Variants in GALNTL6 observed in about 807,000 individuals in gnomAD.
GALNTL6 encodes the protein polypeptide N-acetylgalactosaminyltransferase like 6, also known as polypeptide N-acetylgalactosaminyltransferase-like 6.
GALNTL6 carries 46 observed loss-of-function variants against 73.7 expected under a neutral mutation model. That is an observed-to-expected ratio of 0.62 (90% confidence interval 0.49 to 0.80). The LOEUF (loss-of-function observed/expected upper bound fraction) is 0.80, where lower values mean the gene tolerates loss of function less well. Among genes scored for constraint, GALNTL6 ranks in the 30% least tolerant of loss-of-function variants. The probability of loss-of-function intolerance (pLI) is 0.00; values close to 1 mark genes in which losing one functional copy is unlikely to be tolerated. For missense variants in GALNTL6, 604 were observed against 755.0 expected, an observed-to-expected ratio of 0.80 and a Z score of 2.34; for synonymous variants, 259 against 263.7, an observed-to-expected ratio of 0.98 and a Z score of 0.17.
intron 2 of GALNTL6, among the ~76,000 whole-genome samples, chr4:172,010,615 CTG>C (rs1740978129): frequency 6.6e-6 from 1 of 151,802 alleles, no homozygotes; most frequent in East Asian, 1.9e-4. Flanking sequence ...TTTAAAGCTG[CTG>C]TGTCTTTCAA....
chr4:172,459,620 C>A (rs2111439817), intron 5 of GALNTL6, among the ~76,000 whole-genome samples: 1 of 152,230 alleles, frequency 6.6e-6, no homozygotes, highest in South Asian at 2.1e-4. Flanking sequence ...ACAATTGCTA[C>A]AAAGAGAATA....
chr4:172,813,139 C>G (rs1677423385), intron 6 of GALNTL6, among the ~76,000 whole-genome samples: 1 of 152,098 alleles, frequency 6.6e-6, no homozygotes, highest in African/African-American at 2.4e-5. Flanking sequence ...TTTGGAACCT[C>G]CAGAAAGCAG....
At chr4:172,172,451 C>A (rs957513454) in intron 2 of GALNTL6, among the ~76,000 whole-genome samples, 4 of 152,108 alleles carry the variant, frequency 2.6e-5, no homozygotes, top group Non-Finnish European at 4.4e-5. Context: ...CCTGCCTTGG[C>A]CTCCCAAAGT....
intron 2 of GALNTL6, among the ~76,000 whole-genome samples, chr4:172,030,315 T>C (rs1381808556): frequency 1.3e-5 from 2 of 152,086 alleles, no homozygotes; most frequent in South Asian, 2.1e-4. Context: ...TTAAAGGTAA[T>C]GTTATTCTTA....
intron 5 of GALNTL6, among the ~76,000 whole-genome samples, chr4:172,456,717 T>A (rs1002742266): frequency 4.6e-5 from 7 of 151,962 alleles, no homozygotes; most frequent in African/African-American, 1.7e-4. Context: ...AAAACAAACC[T>A]ATGTTTGATT....
At chr4:172,197,496 A>C (rs193260790) in intron 2 of GALNTL6, among the ~76,000 whole-genome samples, 2 of 152,302 alleles carry the variant, frequency 1.3e-5, no homozygotes, top group East Asian at 3.9e-4. Flanking sequence ...AATCCTAAGC[A>C]AAAAGAACAA....
At chr4:172,318,590 T>A (rs965348562) in intron 4 of GALNTL6, among the ~76,000 whole-genome samples, 2 of 151,928 alleles carry the variant, frequency 1.3e-5, no homozygotes, top group African/African-American at 4.8e-5. Flanking sequence ...TAATCCCAGC[T>A]ACTCTGGAGG....
chr4:172,528,738 CA>C (rs1329507993), intron 5 of GALNTL6, among the ~76,000 whole-genome samples: 2 of 150,552 alleles, frequency 1.3e-5, no homozygotes, highest in African/African-American at 4.9e-5. Flanking sequence ...ACTTTTAAGA[CA>C]TTTTTTACCC....
intron 2 of GALNTL6, among the ~76,000 whole-genome samples, chr4:171,984,642 A>G (rs1385364054): frequency 6.6e-6 from 1 of 152,198 alleles, no homozygotes; most frequent in African/African-American, 2.4e-5. Flanking sequence ...TCTGCTGAAG[A>G]GACAGTAAAA....
intron 3 of GALNTL6, among the ~76,000 whole-genome samples, chr4:172,232,253 GTTT>G (rs1201197514): frequency 6.6e-6 from 1 of 152,030 alleles, no homozygotes; most frequent in Non-Finnish European, 1.5e-5. Context: ...TTTCTCTGTA[GTTT>G]TTACTGCCAG....
At chr4:172,290,800 TA>T (rs747123780) in intron 3 of GALNTL6, among the ~76,000 whole-genome samples, 2 of 151,786 alleles carry the variant, frequency 1.3e-5, no homozygotes, top group African/African-American at 2.4e-5. Flanking sequence ...GGATGCTACA[TA>T]AAAAAAGCTT....
chr4:172,110,010 A>T (rs1732808272), intron 2 of GALNTL6, among the ~76,000 whole-genome samples: 1 of 152,226 alleles, frequency 6.6e-6, no homozygotes, highest in Non-Finnish European at 1.5e-5. Flanking sequence ...TTAACAGCTA[A>T]AATTTGATCA....
intron 5 of GALNTL6, among the ~76,000 whole-genome samples, chr4:172,738,486 T>A (rs1415958874): frequency 6.6e-6 from 1 of 152,196 alleles, no homozygotes; most frequent in African/African-American, 2.4e-5. Flanking sequence ...TATATTTTTT[T>A]AATAATCTAC....
chr4:172,522,008 A>G (rs1053252755), intron 5 of GALNTL6, among the ~76,000 whole-genome samples: 3 of 152,208 alleles, frequency 2.0e-5, no homozygotes, highest in Non-Finnish European at 4.4e-5. Context: ...AGTGTCCCAG[A>G]GAGTCATTTG....
At chr4:172,027,037 A>G (rs1741610174) in intron 2 of GALNTL6, among the ~76,000 whole-genome samples, 1 of 151,976 alleles carries the variant, frequency 6.6e-6, no homozygotes, top group Non-Finnish European at 1.5e-5. Context: ...CTACAGGTGC[A>G]TGCCACCATG....
At chr4:172,346,069 A>G (rs1291830535) in intron 4 of GALNTL6, among the ~76,000 whole-genome samples, 2 of 152,212 alleles carry the variant, frequency 1.3e-5, no homozygotes, top group Non-Finnish European at 2.9e-5. Flanking sequence ...GATGTATAAT[A>G]GGACCCTCTT....
chr4:171,853,573 T>G (rs561596043), intron 2 of GALNTL6, among the ~76,000 whole-genome samples: 1 of 150,440 alleles, frequency 6.6e-6, no homozygotes, highest in African/African-American at 2.4e-5. Context: ...AGCTTTTTGC[T>G]TTTTTCTCTC....
intron 3 of GALNTL6, among the ~76,000 whole-genome samples, chr4:172,250,013 G>C (rs1434021322): frequency 1.3e-5 from 2 of 152,254 alleles, no homozygotes; most frequent in East Asian, 3.9e-4. Flanking sequence ...CAGATCCACT[G>C]ACAGCTTTGC....
intron 5 of GALNTL6, among the ~76,000 whole-genome samples, chr4:172,617,507 C>T (rs1257533762): frequency 2.0e-5 from 3 of 151,766 alleles, no homozygotes; most frequent in East Asian, 1.9e-4. Flanking sequence ...GACCGATTCT[C>T]GCTCTGTCGC....
Sources: gnomAD v4.1 joint callset for allele counts (sites outside exome capture counted in the v4.1 genomes callset) on GRCh38, gnomAD v4.1.1 for gene constraint, MANE v1.5 for transcripts, NCBI Gene and HGNC (gene_info 2026-07-23, HGNC 2026-07-21) for gene names.